The following ZNF385B variants were observed in gnomAD, a reference collection of about 807,000 sequenced individuals.
ZNF385B encodes zinc finger protein 533.
A neutral mutation model predicts 39.2 loss-of-function variants in ZNF385B; 23 were observed. The observed-to-expected ratio is 0.59, with a 90% CI of 0.42 to 0.83. The LOEUF is 0.83. ZNF385B is among the 40% of genes least tolerant of loss of function. The probability of loss-of-function intolerance (pLI) is 0.00; values close to 1 mark genes in which losing one functional copy is unlikely to be tolerated. For missense variants in ZNF385B, 552 were observed against 598.9 expected, an observed-to-expected ratio of 0.92 and a Z score of 0.82; for synonymous variants, 205 against 222.6, an observed-to-expected ratio of 0.92 and a Z score of 0.70.
chr2:179,830,309 T>C (rs1418069812), intron 1 of ZNF385B, among the ~76,000 whole-genome samples: 1 of 152,210 alleles, frequency 6.6e-6, no homozygotes, highest in Non-Finnish European at 1.5e-5. Context: ...CTTTGAAAAA[T>C]AGTTGGCAGT....
intron 3 of ZNF385B, among the ~76,000 whole-genome samples, chr2:179,594,159 C>T (rs935284837): frequency 1.3e-5 from 2 of 152,128 alleles, no homozygotes; most frequent in African/African-American, 4.8e-5. Flanking sequence ...TTTTTGCTTT[C>T]CTTTTAGCTC....
intron 5 of ZNF385B, among the ~76,000 whole-genome samples, chr2:179,493,493 G>GTGTGTACATATATGCGCATACATA (rs1553571606): frequency 4.7e-5 from 7 of 149,716 alleles, no homozygotes; most frequent in African/African-American, 1.7e-4. Context: ...ATGTATAAAC[G>GTGTGTACATATATGCGCATACATA]TGTGTGTACA....
chr2:179,794,686 G>A (rs1442182693), intron 1 of ZNF385B, among the ~76,000 whole-genome samples: 1 of 152,076 alleles, frequency 6.6e-6, no homozygotes, highest in Non-Finnish European at 1.5e-5. Context: ...GTCTTACTGG[G>A]GAAATAAGAA....
chr2:179,674,706 C>A (rs1340948213), intron 3 of ZNF385B, among the ~76,000 whole-genome samples: 1 of 152,078 alleles, frequency 6.6e-6, no homozygotes, highest in Non-Finnish European at 1.5e-5. Flanking sequence ...CCTTATGTTA[C>A]CATTACTGCA....
At chr2:179,767,775 A>G (rs1703790045) in intron 3 of ZNF385B, among the ~76,000 whole-genome samples, 1 of 152,002 alleles carries the variant, frequency 6.6e-6, no homozygotes, top group African/African-American at 2.4e-5. Flanking sequence ...CTATCATGAG[A>G]TATTCTTCAG....
intron 4 of ZNF385B, among the ~76,000 whole-genome samples, chr2:179,533,053 A>G (rs2059349779): frequency 6.6e-6 from 1 of 152,210 alleles, no homozygotes; most frequent in Non-Finnish European, 1.5e-5. Context: ...TTCTGACATT[A>G]CCCTTGCACT....
intron 6 of ZNF385B, among the ~76,000 whole-genome samples, chr2:179,470,468 T>C (rs1166978257): frequency 6.7e-6 from 1 of 148,810 alleles, no homozygotes; most frequent in Non-Finnish European, 1.5e-5. Flanking sequence ...ATGATTTTCC[T>C]TTGTGATATG....
chr2:179,694,229 T>G (rs1018439241), intron 3 of ZNF385B, among the ~76,000 whole-genome samples: 3 of 152,192 alleles, frequency 2.0e-5, no homozygotes, highest in Admixed American at 2.0e-4. Flanking sequence ...AGGTCTAAAC[T>G]TCAATACTGT....
intron 3 of ZNF385B, among the ~76,000 whole-genome samples, chr2:179,688,717 T>C (rs576069208): frequency 6.6e-6 from 1 of 152,256 alleles, no homozygotes; most frequent in South Asian, 2.1e-4. Context: ...GAGGATACAA[T>C]ACATTGTTAT....
intron 1 of ZNF385B, among the ~76,000 whole-genome samples, chr2:179,833,675 A>T (rs948863512): frequency 6.6e-6 from 1 of 152,168 alleles, no homozygotes; most frequent in Non-Finnish European, 1.5e-5. Context: ...CTTTTTATAC[A>T]TTTTTGACTT....
At chr2:179,576,104 A>T in intron 3 of ZNF385B, 2 of 983,814 alleles carry the variant, frequency 2.0e-6, no homozygotes, top group Non-Finnish European at 2.4e-6. Context: ...GCACACAGTT[A>T]CCAGGTCTTA....
chr2:179,709,801 C>A (rs142635502), intron 3 of ZNF385B, among the ~76,000 whole-genome samples: 5 of 152,272 alleles, frequency 3.3e-5, no homozygotes, highest in African/African-American at 1.2e-4. Context: ...GGCAGGGAGA[C>A]TACCTAGAAC....
intron 3 of ZNF385B, among the ~76,000 whole-genome samples, chr2:179,755,328 T>C (rs1702943904): frequency 6.6e-6 from 1 of 152,238 alleles, no homozygotes; most frequent in South Asian, 2.1e-4. Flanking sequence ...CTTTTACATT[T>C]GCTGAGGAGT....
At chr2:179,840,412 T>C (rs993985368) in intron 1 of ZNF385B, among the ~76,000 whole-genome samples, 1 of 152,244 alleles carries the variant, frequency 6.6e-6, no homozygotes, top group African/African-American at 2.4e-5. Context: ...AGTTCAATGA[T>C]AAGAGCAACG....
At chr2:179,540,111 G>A (rs1277870687) in intron 4 of ZNF385B, among the ~76,000 whole-genome samples, 1 of 152,158 alleles carries the variant, frequency 6.6e-6, no homozygotes, top group African/African-American at 2.4e-5. Flanking sequence ...GGGCACTATA[G>A]CTGGAAGACA....
chr2:179,821,415 C>T (rs941340267), intron 1 of ZNF385B, among the ~76,000 whole-genome samples: 7 of 152,236 alleles, frequency 4.6e-5, no homozygotes, highest in South Asian at 2.1e-4. Context: ...TTGAGAACAA[C>T]GTAGGAGCTG....
chr2:179,459,497 T>C (rs2105462320), intron 6 of ZNF385B, among the ~76,000 whole-genome samples: 1 of 152,188 alleles, frequency 6.6e-6, no homozygotes, highest in East Asian at 1.9e-4. Flanking sequence ...TATTATGTGC[T>C]ATATACTATA....
chr2:179,528,858 A>G (rs12479252), intron 4 of ZNF385B, among the ~76,000 whole-genome samples: 60,727 of 152,014 alleles, frequency 0.4, 12,232 homozygotes, highest in South Asian at 0.46. Context: ...CTAGCTCTAC[A>G]TGCCTGGTGA....
rs529434295 is a variant in ZNF385B, at chr2:179,481,867, C to T, written c.715+1405G>A. Among the ~76,000 whole-genome samples the T allele has an allele frequency of 1.5e-3, 222 of 152,200 alleles. 1 individual carries two copies. Among genetic ancestry groups the T allele is most frequent in the African/African-American group, 5.1e-3 (211 of 41,520 alleles). Reference sequence around the variant, plus strand: ...ATAACTGCCACATTGTGTACCTCACCAGTTTGCAATTTTGAAAAATAGAGA... The same window carrying T: ...ATAACTGCCACATTGTGTACCTCACTAGTTTGCAATTTTGAAAAATAGAGA... On this transcript the variant is annotated intron_variant, in intron 6 of 9. Coordinates refer to ENST00000410066, the MANE Select transcript of ZNF385B (RefSeq NM_152520.6).
Sources: allele counts gnomAD v4.1 joint callset (sites outside exome capture counted in the v4.1 genomes callset), GRCh38; gene constraint gnomAD v4.1.1; transcripts MANE v1.5; gene names NCBI Gene and HGNC (gene_info 2026-07-23, HGNC 2026-07-21).